The following AKAP6 variants were observed in gnomAD, a reference collection of about 807,000 sequenced individuals.
AKAP6 encodes A-kinase anchoring protein 6.
In AKAP6, 58 loss-of-function variants were observed where a neutral mutation model predicts 188.5. That is an observed-to-expected ratio of 0.31 (90% CI 0.25 to 0.38). The LOEUF (loss-of-function observed/expected upper bound fraction) is 0.38. Among genes scored for constraint, AKAP6 ranks in the 10% least tolerant of loss-of-function variants. The pLI is 1.00. For missense variants in AKAP6, 2,710 were observed against 2,740.0 expected, an observed-to-expected ratio of 0.99 and a Z score of 0.24; for synonymous variants, 989 against 998.6, an observed-to-expected ratio of 0.99 and a Z score of 0.18.
intron 1 of AKAP6, among the ~76,000 whole-genome samples, chr14:32,339,195 T>C (rs1203887017): frequency 6.6e-6 from 1 of 152,158 alleles, no homozygotes; most frequent in Non-Finnish European, 1.5e-5. Flanking sequence ...GCCTGGCATA[T>C]GGTAGGTGCT....
chr14:32,404,902 C>A (rs1351956667), intron 1 of AKAP6, among the ~76,000 whole-genome samples: 6 of 143,200 alleles, frequency 4.2e-5, no homozygotes, highest in African/African-American at 1.5e-4. Flanking sequence ...GACAGATGGG[C>A]AAGCAATAAC....
intron 1 of AKAP6, among the ~76,000 whole-genome samples, chr14:32,427,086 C>G (rs1594602327): frequency 6.6e-6 from 1 of 152,076 alleles, no homozygotes; most frequent in African/African-American, 2.4e-5. Flanking sequence ...GTGATAACAC[C>G]GAGATCTTTT....
At chr14:32,812,836 G>A (rs1033025612) in intron 12 of AKAP6, among the ~76,000 whole-genome samples, 2 of 152,056 alleles carry the variant, frequency 1.3e-5, no homozygotes, top group East Asian at 1.9e-4. Flanking sequence ...TGATTTATTG[G>A]CACAAATATA....
chr14:32,757,181 C>T (rs2032368881), intron 11 of AKAP6, among the ~76,000 whole-genome samples: 1 of 152,186 alleles, frequency 6.6e-6, no homozygotes, highest in Non-Finnish European at 1.5e-5. Context: ...CTTTTCTTGT[C>T]TCTGTGCTAC....
intron 12 of AKAP6, among the ~76,000 whole-genome samples, chr14:32,804,433 G>A (rs1282797169): frequency 6.6e-6 from 1 of 152,150 alleles, no homozygotes; most frequent in Non-Finnish European, 1.5e-5. Flanking sequence ...AGACCAGCAA[G>A]TTTTTATTAA....
At chr14:32,572,587 GA>G (rs1226015037) in intron 4 of AKAP6, among the ~76,000 whole-genome samples, 1 of 152,184 alleles carries the variant, frequency 6.6e-6, no homozygotes, top group African/African-American at 2.4e-5. Flanking sequence ...AAAGAGTTAG[GA>G]AAAGAAATAA....
chr14:32,824,604 T>A lies in AKAP6; in HGVS notation c.6791T>A (p.Met2264Lys). Residue 2264 changes from methionine to lysine, a missense_variant, in exon 13 of 14, where the codon ATG becomes AAG. By Grantham distance (95) the Met-to-Lys change is moderately conservative (BLOSUM62 -1). This residue lies in a region of AKAP6 where 2,473 missense variants were observed against 2,426.1 expected (regional missense o/e 1.02). Coordinates refer to ENST00000280979, the MANE Select transcript of AKAP6 (RefSeq NM_004274.5). ...ESSGKPGESG[M>K]PEEHNAASAK... ...TCCGGAAAACCAGGTGAATCTGGAA[T>A]GCCAGAAGAACATAATGCTGCTTCA... 6.2e-7 allele frequency: 1 copy of A among 1,613,942 alleles called. No homozygotes were observed. Among genetic ancestry groups the A allele is most frequent in the Non-Finnish European group, 8.5e-7 (1 of 1,179,934 alleles).
At chr14:32,405,428 T>C (rs187276175) in intron 1 of AKAP6, among the ~76,000 whole-genome samples, 3 of 152,250 alleles carry the variant, frequency 2.0e-5, no homozygotes, top group South Asian at 2.1e-4. Context: ...ACAAATATAA[T>C]TGACAATTTT....
chr14:32,772,783 T>C (rs921069367), intron 11 of AKAP6, among the ~76,000 whole-genome samples: 4 of 152,240 alleles, frequency 2.6e-5, no homozygotes, highest in Admixed American at 6.5e-5. Context: ...TGTTAACTGT[T>C]AGAACAGTCC....
At chr14:32,522,236 T>TAGA (rs768790511) in intron 2 of AKAP6, among the ~76,000 whole-genome samples, 3 of 152,182 alleles carry the variant, frequency 2.0e-5, no homozygotes, top group Non-Finnish European at 4.4e-5. Context: ...ATAAAAACCC[T>TAGA]AGAAGAAAAC....
chr14:32,381,948 T>C (rs1594561299), intron 1 of AKAP6, among the ~76,000 whole-genome samples: 1 of 152,186 alleles, frequency 6.6e-6, no homozygotes, highest in East Asian at 1.9e-4. Flanking sequence ...CTTCCCTCTC[T>C]TTTCCTAGAT....
intron 1 of AKAP6, among the ~76,000 whole-genome samples, chr14:32,393,684 T>C (rs1888783920): frequency 6.6e-6 from 1 of 152,094 alleles, no homozygotes; most frequent in African/African-American, 2.4e-5. Flanking sequence ...AGTTAAAATT[T>C]AAAAAAATTA....
intron 13 of AKAP6, among the ~76,000 whole-genome samples, chr14:32,825,238 A>G (rs2034645125): frequency 6.6e-6 from 1 of 152,172 alleles, no homozygotes; most frequent in African/African-American, 2.4e-5. Flanking sequence ...CAGATGAACA[A>G]TGATTAGGCT....
intron 1 of AKAP6, among the ~76,000 whole-genome samples, chr14:32,365,958 A>T (rs1887819519): frequency 6.6e-6 from 1 of 152,114 alleles, no homozygotes; most frequent in African/African-American, 2.4e-5. Flanking sequence ...TTCCTTGCCC[A>T]CTGGTCAAAC....
intron 3 of AKAP6, among the ~76,000 whole-genome samples, chr14:32,540,513 T>G (rs1334912690): frequency 1.3e-5 from 2 of 152,056 alleles, no homozygotes; most frequent in African/African-American, 4.8e-5. Context: ...TCATAACATG[T>G]TAAATGGAGG....
chr14:32,346,095 G>T (rs147226185), intron 1 of AKAP6, among the ~76,000 whole-genome samples: 1 of 152,048 alleles, frequency 6.6e-6, no homozygotes, highest in Non-Finnish European at 1.5e-5. Context: ...CCTTTATGAT[G>T]AGTCCCCCAT....
At chr14:32,336,398 T>C (rs577022108) in intron 1 of AKAP6, among the ~76,000 whole-genome samples, 2 of 152,266 alleles carry the variant, frequency 1.3e-5, no homozygotes, top group African/African-American at 4.8e-5. Context: ...GCTGTAAAAC[T>C]ATCTGTTTCA....
chr14:32,599,317 G>T, intron 5 of AKAP6, 93 bp from the exon 6 acceptor site: 1 of 1,022,106 alleles, frequency 9.8e-7, no homozygotes, highest in African/African-American at 1.6e-5. Flanking sequence ...ATTGGGCTGT[G>T]TGGTTCTTGA....
In AKAP6 at chr14:32,433,540, T is replaced by C. The variant is rs1224276545; in HGVS notation, c.47T>C (p.Leu16Pro). ...VTLSPLRSQD[L>P]DPMATDASPM... is the part of the protein sequence containing the mutation. ...CTTTCCCCCCTGAGGTCACAGGACCTGGATCCCATGGCTACTGATGCTTCA... is the reference window on the plus strand; with the variant it reads ...CTTTCCCCCCTGAGGTCACAGGACCCGGATCCCATGGCTACTGATGCTTCA... The change falls in exon 2 of 14, where the codon CTG (leucine) becomes CCG (proline). Residue 16 changes from leucine to proline, a missense_variant. Transcript: ENST00000280979. 1 of 1,614,180 alleles carries C rather than the reference T, an allele frequency of 6.2e-7. No homozygotes were observed. Among genetic ancestry groups the C allele is most frequent in the Non-Finnish European group, 8.5e-7 (1 of 1,180,014 alleles).
Sources: allele counts gnomAD v4.1 joint callset (sites outside exome capture counted in the v4.1 genomes callset), GRCh38; gene constraint gnomAD v4.1.1; regional missense constraint gnomAD v4.1.1; transcripts MANE v1.5; gene names NCBI Gene and HGNC (gene_info 2026-07-23, HGNC 2026-07-21).